Variants in PCDHGC3 observed in about 807,000 individuals in gnomAD.
The protein encoded by PCDHGC3 is protocadherin gamma-C3.
PCDHGC3 carries 26 observed loss-of-function variants against 59.2 expected under a neutral mutation model. That is an observed-to-expected ratio of 0.44 (90% CI 0.32 to 0.61). The LOEUF is 0.61. Ranked by LOEUF, PCDHGC3 falls within the 20% of genes least tolerant of loss-of-function variation. The probability of loss-of-function intolerance (pLI) is 0.05; values close to 1 mark genes in which losing one functional copy is unlikely to be tolerated. For missense variants in PCDHGC3, 1,080 were observed against 1,221.8 expected (o/e 0.88, Z 1.73); for synonymous variants, 487 against 519.7 (o/e 0.94, Z 0.86).
Position 141,489,779 on chromosome 5 carries a change from T to C in PCDHGC3, c.2431-5028T>C, listed in dbSNP as rs1269302289. 1.9e-6 allele frequency: 3 copies of C among 1,614,168 alleles called. No homozygotes were observed. Among genetic ancestry groups the C allele is most frequent in the Non-Finnish European group, 2.5e-6 (3 of 1,179,996 alleles). On this transcript the variant is annotated intron_variant, in intron 1 of 3. Coordinates refer to ENST00000308177, the MANE Select transcript of PCDHGC3 (RefSeq NM_002588.4). The surrounding 1 kb of genome is among the most constrained non-coding windows in gnomAD (Gnocchi z 4.5). ...CTAAGCCCCAACAGCCACTTCTCTC[T>C]GAATGTGAAGACCCTAAAAGATGGG...
rs2099411033 is a variant in PCDHGC3, at chr5:141,477,423, C to T, written c.1307C>T (p.Ser436Phe). ...SITARDAGTP[S>F]LSALTIVRVQ... ...ACCGCCCGAGACGCCGGAACCCCTT[C>T]CCTCTCAGCCCTTACAATAGTGCGT... The change falls in exon 1 of 4, where the codon TCC (serine) becomes TTC (phenylalanine). Residue 436 changes from serine to phenylalanine, a missense_variant. Coordinates refer to ENST00000308177, the MANE Select transcript of PCDHGC3 (RefSeq NM_002588.4). This position sits in a 1 kb window ranked among gnomAD's most constrained non-coding sequence, Gnocchi z 4.9. 1.9e-6 allele frequency: 3 copies of T among 1,614,196 alleles called. No individual in the cohort carries two copies. The highest frequency in any genetic ancestry group is 2.2e-5 in the East Asian group (1 of 44,882).
chr5:141,478,839 T>G, intron 1 of PCDHGC3: 6 of 1,423,322 alleles, frequency 4.2e-6, no homozygotes, highest in Non-Finnish European at 5.5e-6. Flanking sequence ...AAGGGATGGT[T>G]AAGCTAAAAC....
intron 1 of PCDHGC3, among the ~76,000 whole-genome samples, chr5:141,483,021 G>A (rs543104114): frequency 6.6e-6 from 1 of 152,126 alleles, no homozygotes; most frequent in East Asian, 1.9e-4. Context: ...GGAGGCAGAG[G>A]TTGCAATGAG....
rs1210429084 is a variant in PCDHGC3 at position 141,487,045 on chromosome 5, T to C, written c.2431-7762T>C. 2 of 1,614,088 alleles carry C rather than the reference T, an allele frequency of 1.2e-6. No individual in the cohort carries two copies. Among genetic ancestry groups the C allele is most frequent in the Non-Finnish European group, 1.7e-6 (2 of 1,180,036 alleles). On this transcript the variant is annotated intron_variant, in intron 1 of 3. Coordinates refer to ENST00000308177, the MANE Select transcript of PCDHGC3 (RefSeq NM_002588.4). This position sits in a 1 kb window ranked among gnomAD's most constrained non-coding sequence, Gnocchi z 5.0. ...CCAGCCTGTTTGCAGTCTCTCGATA[T>C]GCTGGGGAGGTGCGGACGGCTGTTC...
Position 141,511,267 on chromosome 5 carries a change from C to T in PCDHGC3, c.*94C>T, listed in dbSNP as rs1223074819. 1.3e-6 allele frequency: 2 copies of T among 1,549,404 alleles called. No homozygotes were observed. Among genetic ancestry groups the T allele is most frequent in the Non-Finnish European group, 1.7e-6 (2 of 1,146,836 alleles). On this transcript the variant is annotated 3_prime_UTR_variant, in exon 4 of 4. Transcript: ENST00000308177. ...CCAGGCCTCAGAGTTTCAGGGCTAA[C>T]CCCCAGAATACTGGTAGGGGCCAAG...
In PCDHGC3 at chr5:141,510,834, G is replaced by A. The variant is rs1043468083; in HGVS notation, c.2579-113G>A. 49 of 1,581,762 alleles carry A rather than the reference G, an allele frequency of 3.1e-5. 1 individual carries two copies. The highest frequency in any genetic ancestry group is 4.0e-5 in the Non-Finnish European group (46 of 1,161,670). On this transcript the variant is annotated intron_variant, in intron 3 of 3. Coordinates refer to ENST00000308177, the MANE Select transcript of PCDHGC3 (RefSeq NM_002588.4). ...GACCCCTATATTCCCAGTGCTCAGC[G>A]TGGTCAAGGCCCAGGGTGCTGTATA...
In PCDHGC3 at chr5:141,511,281, G is replaced by A; in HGVS notation, c.*108G>A. The A allele has an allele frequency of 2.0e-6, 3 of 1,531,280 alleles. No homozygotes were observed. Among genetic ancestry groups the A allele is most frequent in the Non-Finnish European group, 2.6e-6 (3 of 1,137,132 alleles). 94.9% of individuals were successfully genotyped at this position (1,531,280 alleles called of 1,614,324 possible). ...TTCAGGGCTAACCCCCAGAATACTG[G>A]TAGGGGCCAAGGCCATGCTCCCCTT... On this transcript the variant is annotated 3_prime_UTR_variant, in exon 4 of 4. Transcript: ENST00000308177.
chr5:141,476,179 T>C lies in PCDHGC3; in HGVS notation c.63T>C (p.Leu21=), dbSNP rs1283155400. 26 of 1,613,476 alleles carry C rather than the reference T, an allele frequency of 1.6e-5. No homozygotes were observed. The highest frequency in any genetic ancestry group is 2.0e-5 in the Non-Finnish European group (24 of 1,179,998). Residue 21 remains leucine, a synonymous_variant, in exon 1 of 4, where the codon CTT becomes CTC. Transcript: ENST00000308177. This position sits in a 1 kb window ranked among gnomAD's most constrained non-coding sequence, Gnocchi z 7.6. Reference sequence around the variant, plus strand: ...CCGGGAGGGTAGTGGGAGTTTTGCTTCTGCTTGGTGCCTTGAACAAGGCTT... The same window carrying C: ...CCGGGAGGGTAGTGGGAGTTTTGCTCCTGCTTGGTGCCTTGAACAAGGCTT... ...VSTGRVVGVL[L]LLGALNKAST... is the part of the protein sequence containing the mutation.
intron 2 of PCDHGC3, among the ~76,000 whole-genome samples, chr5:141,501,306 C>T (rs1016823458): frequency 5.3e-5 from 8 of 151,412 alleles, no homozygotes; most frequent in Non-Finnish European, 8.8e-5. Context: ...CACACACACA[C>T]ACACACACAC....
chr5:141,503,181 A>C (rs532503504), intron 2 of PCDHGC3, among the ~76,000 whole-genome samples: 54 of 152,060 alleles, frequency 3.6e-4, no homozygotes, highest in African/African-American at 1.3e-3. Context: ...TCTATTGTGT[A>C]ATTATTTAAA....
At chr5:141,502,030 C>T (rs1031787021) in intron 2 of PCDHGC3, among the ~76,000 whole-genome samples, 4 of 152,180 alleles carry the variant, frequency 2.6e-5, no homozygotes, top group Non-Finnish European at 4.4e-5. Flanking sequence ...CAACCCCCGC[C>T]GCTTGCCTGC....
At chr5:141,510,158 A>G (rs1406170246) in intron 3 of PCDHGC3, among the ~76,000 whole-genome samples, 1 of 152,018 alleles carries the variant, frequency 6.6e-6, no homozygotes, top group African/African-American at 2.4e-5. Flanking sequence ...CTGTAATCTC[A>G]GCTACTCAGG....
rs1368226100 is a variant in PCDHGC3, at chr5:141,511,268, C to T, written c.*95C>T. The stretch of plus-strand genomic sequence containing the variant: ...CAGGCCTCAGAGTTTCAGGGCTAAC[C>T]CCCAGAATACTGGTAGGGGCCAAGG... On this transcript the variant is annotated 3_prime_UTR_variant, in exon 4 of 4. Coordinates refer to ENST00000308177, the MANE Select transcript of PCDHGC3 (RefSeq NM_002588.4). 1.9e-6 allele frequency: 3 copies of T among 1,546,408 alleles called. No individual in the cohort carries two copies. The highest frequency in any genetic ancestry group is 2.4e-5 in the East Asian group (1 of 41,246).
chr5:141,476,225 A>G lies in PCDHGC3; in HGVS notation c.109A>G (p.Ile37Val), dbSNP rs1414835001. ...NKASTVIHYEIPEEREKGFAV... is the reference protein window; with the variant it reads ...NKASTVIHYEVPEEREKGFAV... ...GGCTTCCACGGTCATTCACTATGAG[A>G]TCCCGGAGGAAAGAGAGAAGGGTTT... The change falls in exon 1 of 4, where the codon ATC (isoleucine) becomes GTC (valine). Residue 37 changes from isoleucine to valine, a missense_variant. Ile to Val is a conservative substitution (Grantham distance 29). Transcript: ENST00000308177. This position sits in a 1 kb window ranked among gnomAD's most constrained non-coding sequence, Gnocchi z 7.6. 3 of 1,613,882 alleles carry G rather than the reference A, an allele frequency of 1.9e-6. No homozygotes were observed. The highest frequency in any genetic ancestry group is 2.5e-6 in the Non-Finnish European group (3 of 1,180,012).
rs1446853595 is a variant in PCDHGC3 at position 141,491,363 on chromosome 5, C to A, written c.2431-3444C>A. The A allele has an allele frequency of 1.2e-6, 2 of 1,614,182 alleles. No homozygotes were observed. Among genetic ancestry groups the A allele is most frequent in the South Asian group, 2.2e-5 (2 of 91,082 alleles). On this transcript the variant is annotated intron_variant, in intron 1 of 3. Coordinates refer to ENST00000308177, the MANE Select transcript of PCDHGC3 (RefSeq NM_002588.4). The surrounding 1 kb of genome is among the most constrained non-coding windows in gnomAD (Gnocchi z 6.9). ...ACCGTCAGTCTCTTATCCCTAGTCA[C>A]CTTCACCTTTCTGTCAGCGAAGTGC...
In PCDHGC3 at chr5:141,489,255, A is replaced by G. The variant is rs909780010; in HGVS notation, c.2431-5552A>G. 2 of 1,548,804 alleles carry G rather than the reference A, an allele frequency of 1.3e-6. No individual in the cohort carries two copies. Among genetic ancestry groups the G allele is most frequent in the Non-Finnish European group, 1.7e-6 (2 of 1,147,848 alleles). On this transcript the variant is annotated intron_variant, in intron 1 of 3. Coordinates refer to ENST00000308177, the MANE Select transcript of PCDHGC3 (RefSeq NM_002588.4). The surrounding 1 kb of genome is among the most constrained non-coding windows in gnomAD (Gnocchi z 4.5). ...ACTTCTGGGTCATGGGGCCCAAGAC[A>G]CTCCCACAGCTCGCTGGGAAATGGC...
At chr5:141,504,302 C>T (rs969760258) in intron 2 of PCDHGC3, among the ~76,000 whole-genome samples, 9 of 152,004 alleles carry the variant, frequency 5.9e-5, no homozygotes, top group African/African-American at 1.5e-4. Context: ...TTTCAACACT[C>T]GGAGTTTCTA....
chr5:141,504,583 A>G (rs1230825472), intron 2 of PCDHGC3, among the ~76,000 whole-genome samples: 1 of 146,622 alleles, frequency 6.8e-6, no homozygotes, highest in African/African-American at 2.5e-5. Flanking sequence ...CCATCTGCCC[A>G]GGATTCACAG....
Position 141,476,019 on chromosome 5 carries a change from C to T in PCDHGC3, c.-98C>T, listed in dbSNP as rs964061075. The T allele has an allele frequency of 3.9e-5, 54 of 1,390,282 alleles. 1 individual carries two copies. Among genetic ancestry groups the T allele is most frequent in the Non-Finnish European group, 4.9e-5 (51 of 1,034,212 alleles). 86.1% of individuals were successfully genotyped at this position (1,390,282 alleles called of 1,614,324 possible). A position where few individuals can be genotyped will look rare whatever the true frequency, so the allele number is the denominator to read the frequency against. Reference sequence around the variant, plus strand: ...ACGGCATCCAGAAAGCCATGTCGGACTCGGCGCCCAGCGCCCAAGCGCTAA... The same window carrying T: ...ACGGCATCCAGAAAGCCATGTCGGATTCGGCGCCCAGCGCCCAAGCGCTAA... On this transcript the variant is annotated 5_prime_UTR_variant, in exon 1 of 4. Transcript: ENST00000308177. This position sits in a 1 kb window ranked among gnomAD's most constrained non-coding sequence, Gnocchi z 7.6.
Sources: allele counts gnomAD v4.1 joint callset (sites outside exome capture counted in the v4.1 genomes callset), GRCh38; gene constraint gnomAD v4.1.1; non-coding constraint Gnocchi (gnomAD v3.1); transcripts MANE v1.5; gene names NCBI Gene and HGNC (gene_info 2026-07-23, HGNC 2026-07-21).